EVC: variants seen among roughly 807,000 people sequenced by gnomAD.
EVC encodes EvC ciliary complex subunit 1.
Under a neutral mutation model 118.9 loss-of-function variants are expected in EVC, and 116 were observed. That is an observed-to-expected ratio of 0.98 (90% CI 0.84 to 1.14). The LOEUF (loss-of-function observed/expected upper bound fraction) is 1.14. EVC is among the 50% of genes most tolerant of loss of function. The pLI, the probability that EVC is intolerant of heterozygous loss-of-function variation, is 0.00. For missense variants in EVC, 1,401 were observed against 1,246.4 expected, an observed-to-expected ratio of 1.12 and a Z score of -1.87; for synonymous variants, 619 against 534.7, an observed-to-expected ratio of 1.16 and a Z score of -2.18.
chr4:5,748,693 C>T (rs1729831332), intron 8 of EVC, among the ~76,000 whole-genome samples: 1 of 120,586 alleles, frequency 8.3e-6, no homozygotes, highest in Non-Finnish European at 1.7e-5. Context: ...CCCACCCATC[C>T]ATCCACCCGT....
chr4:5,769,113 A>ATAT (rs1733521946), intron 11 of EVC, among the ~76,000 whole-genome samples: 1 of 152,154 alleles, frequency 6.6e-6, no homozygotes, highest in Non-Finnish European at 1.5e-5. Flanking sequence ...GAGACTGAGT[A>ATAT]ATTTATAAAG....
chr4:5,783,949 C>T (rs1463159439), intron 12 of EVC, among the ~76,000 whole-genome samples, 185 bp downstream of exon 12: 1 of 152,160 alleles, frequency 6.6e-6, no homozygotes, highest in Non-Finnish European at 1.5e-5. Flanking sequence ...CCCTTATCTC[C>T]CTCAACAGGA....
Position 5,756,362 on chromosome 4 carries a change from G to C in EVC, c.1563G>C (p.Gln521His), listed in dbSNP as rs1162403519. The change falls in exon 11 of 21, where the codon CAG (glutamine) becomes CAC (histidine). Residue 521 changes from glutamine to histidine, a missense_variant and splice_region_variant. By Grantham distance (24) the Gln-to-His change is conservative (BLOSUM62 0). Transcript: ENST00000264956. This position sits in a 1 kb window ranked among gnomAD's most constrained non-coding sequence, Gnocchi z 4.2. Reference protein sequence around the residue: ...RATEAVVALCQELYFSTVDTF... With the variant: ...RATEAVVALCHELYFSTVDTF... ...CCGAGGCTGTGGTTGCACTCTGCCA[G>C]GTACATGGCCTCTGTGGGGACCAGC... 1.2e-6 allele frequency: 2 copies of C among 1,606,494 alleles called. No individual in the cohort carries two copies. The highest frequency in any genetic ancestry group is 1.7e-6 in the Non-Finnish European group (2 of 1,176,542).
At chr4:5,732,447 T>C (rs1256335245) in intron 4 of EVC, among the ~76,000 whole-genome samples, 1 of 152,256 alleles carries the variant, frequency 6.6e-6, no homozygotes, top group Non-Finnish European at 1.5e-5. Flanking sequence ...TGGCCAGCCC[T>C]GGCTTAGAAC....
chr4:5,828,258 C>G, the EVC span: 1 of 985,206 alleles, frequency 1.0e-6, no homozygotes, highest in South Asian at 4.7e-5. Context: ...CACGGGTGCA[C>G]ACCCCTCTAC....
chr4:5,810,601 G>A, intron 20 of EVC, 151 bp downstream of exon 20: 3 of 720,990 alleles, frequency 4.2e-6, no homozygotes, highest in Non-Finnish European at 5.0e-6. Flanking sequence ...AACGTAATTT[G>A]TGGGCAGTAA....
chr4:5,767,341 T>C (rs1367281449), intron 11 of EVC, among the ~76,000 whole-genome samples: 1 of 114,410 alleles, frequency 8.7e-6, no homozygotes, highest in Non-Finnish European at 2.1e-5. Context: ...CAGAGGTTAC[T>C]GCTGTCTTTT....
In EVC at chr4:5,753,006, G is replaced by C; in HGVS notation, c.1269G>C (p.Thr423=). The C allele has an allele frequency of 1.2e-6, 2 of 1,612,212 alleles. No individual in the cohort carries two copies. The highest frequency in any genetic ancestry group is 1.7e-6 in the Non-Finnish European group (2 of 1,179,352). The part of the protein sequence containing the change: ...LSGRQKEELL[T]QQHKAFWQEA... ...GGCGGCAGAAGGAGGAGCTGCTCAC[G>C]CAGCAGCACAAGGCCTTCTGGCAGG... Residue 423 remains threonine (T), a synonymous_variant, in exon 9 of 21, where the codon ACG becomes ACC. Transcript: ENST00000264956.
At chr4:5,767,752 C>T (rs1339434055) in intron 11 of EVC, among the ~76,000 whole-genome samples, 1 of 152,186 alleles carries the variant, frequency 6.6e-6, no homozygotes, top group East Asian at 1.9e-4. Context: ...CCTCGCCCTG[C>T]TTCGGCTAGC....
At position 5,731,705 on chromosome 4, in the gene EVC, T is replaced by A; in HGVS notation, c.617+48T>A. Reference sequence around the variant, plus strand: ...GATGAGGCTTCCAGTCCTCTTGGAGTGGGCCGGGAGTCACATCATTGTCAG... The same window carrying A: ...GATGAGGCTTCCAGTCCTCTTGGAGAGGGCCGGGAGTCACATCATTGTCAG... On this transcript the variant is annotated intron_variant, in intron 4 of 20. Transcript: ENST00000264956. This position sits in a 1 kb window ranked among gnomAD's most constrained non-coding sequence, Gnocchi z 5.6. 1 of 1,540,110 alleles carries A rather than the reference T, an allele frequency of 6.5e-7. No individual in the cohort carries two copies. Among genetic ancestry groups the A allele is most frequent in the Non-Finnish European group, 8.9e-7 (1 of 1,125,138 alleles).
chr4:5,768,164 A>T (rs1733270572), intron 11 of EVC, among the ~76,000 whole-genome samples: 1 of 152,160 alleles, frequency 6.6e-6, no homozygotes, highest in Admixed American at 6.5e-5. Flanking sequence ...GGAGGGGATG[A>T]GTCCAGAGCG....
chr4:5,744,314 A>G (rs138433858), intron 6 of EVC, among the ~76,000 whole-genome samples: 27 of 152,280 alleles, frequency 1.8e-4, no homozygotes, highest in Admixed American at 1.4e-3. Flanking sequence ...GAAATCACAT[A>G]TGGCCTCAGC....
rs768485560 is a variant in EVC, at chr4:5,753,884, GC to G, written c.1416del (p.Phe473SerfsTer27). 1 of 1,613,910 alleles carries G rather than the reference GC, an allele frequency of 6.2e-7. No individual in the cohort carries two copies. The highest frequency in any genetic ancestry group is 1.1e-5 in the South Asian group (1 of 91,072). On this transcript the variant is annotated frameshift_variant, in exon 10 of 21. Transcript: ENST00000264956. LOFTEE classifies it high-confidence loss of function. ...LTLAQEEEQR[S>X]FLAEAQPTAD... Reference sequence around the variant, plus strand: ...CTGGCCCAAGAGGAGGAACAGAGAAGCTTCCTGGCTGAGGCCCAGCCGACTG... The same window carrying G: ...CTGGCCCAAGAGGAGGAACAGAGAAGTTCCTGGCTGAGGCCCAGCCGACTG...
intron 12 of EVC, among the ~76,000 whole-genome samples, chr4:5,784,145 A>G (rs1476327844): frequency 2.0e-5 from 3 of 152,236 alleles, no homozygotes; most frequent in Admixed American, 1.3e-4. Context: ...TATTAAGACC[A>G]TGGATTTATG....
intron 11 of EVC, among the ~76,000 whole-genome samples, chr4:5,767,656 C>T (rs1478167088): frequency 2.6e-5 from 4 of 152,006 alleles, no homozygotes; most frequent in Admixed American, 6.5e-5. Flanking sequence ...GGGAGTGACC[C>T]GATTTTCCAG....
At chr4:5,750,862 C>T (rs751906900) in intron 8 of EVC, among the ~76,000 whole-genome samples, 3 of 152,124 alleles carry the variant, frequency 2.0e-5, no homozygotes, top group South Asian at 2.1e-4. Flanking sequence ...TGCCTGCATA[C>T]CGGGCACCAA....
intron 11 of EVC, among the ~76,000 whole-genome samples, chr4:5,758,889 T>G (rs1731581345): frequency 6.6e-6 from 1 of 152,100 alleles, no homozygotes. Context: ...ACAGAGCAAT[T>G]TATTGCAAAG....
the EVC span, chr4:5,825,113 A>G: frequency 1.7e-5 from 17 of 985,420 alleles, no homozygotes; most frequent in Non-Finnish European, 1.9e-5. This position sits in a 1 kb window ranked among gnomAD's most constrained non-coding sequence, Gnocchi z 4.4. Flanking sequence ...AAAGACTTAC[A>G]CAGAGCACAT....
At chr4:5,820,566 A>C in the EVC span, among the ~76,000 whole-genome samples, 1 of 152,128 alleles carries the variant, frequency 6.6e-6, no homozygotes, top group Non-Finnish European at 1.5e-5. Context: ...AAGCCCGCCC[A>C]TCAGCCGTCT....
Sources: allele counts gnomAD v4.1 joint callset (sites outside exome capture counted in the v4.1 genomes callset), GRCh38; gene constraint gnomAD v4.1.1; non-coding constraint Gnocchi (gnomAD v3.1); transcripts MANE v1.5; gene names NCBI Gene and HGNC (gene_info 2026-07-23, HGNC 2026-07-21).